NPC1L1: variants seen among roughly 807,000 people sequenced by gnomAD.
NPC1L1 encodes NPC1 like intracellular cholesterol transporter 1.
Under a neutral mutation model 117.0 loss-of-function variants are expected in NPC1L1, and 98 were observed. The ratio of observed to expected loss-of-function variants is 0.84; its 90% confidence interval spans 0.71 to 0.99. The LOEUF is 0.99. NPC1L1 is among the 50% of genes least tolerant of loss of function. The pLI is 0.00. For missense variants in NPC1L1, 1,540 were observed against 1,710.0 expected (o/e 0.90, Z 1.75); for synonymous variants, 729 against 727.6 (o/e 1.00, Z -0.03).
intron 10 of NPC1L1, among the ~76,000 whole-genome samples, chr7:44,529,382 T>A (rs1301945511): frequency 7.6e-6 from 1 of 131,368 alleles, no homozygotes; most frequent in African/African-American, 3.3e-5. Context: ...CAAAATATAC[T>A]TTTTTTTTTT....
rs1562571608 is a variant in NPC1L1 at position 44,539,401 on chromosome 7, G to A, written c.996C>T (p.Ser332=). ...GTSLSDKLSF[S]THTLLGQFFQ... is the part of the protein sequence containing the mutation. The stretch of plus-strand genomic sequence containing the variant: ...AGAACTGGCCAAGGAGGGTGTGGGT[G>A]GAGAAGCTGAGCTTGTCAGAGAGGC... The change falls in exon 2 of 19, where the codon TCC becomes TCT. Residue 332 remains serine (S), a synonymous_variant. Coordinates refer to ENST00000381160, the MANE Select transcript of NPC1L1 (RefSeq NM_001101648.2). The surrounding 1 kb of genome is among the most constrained non-coding windows in gnomAD (Gnocchi z 4.4). 6.2e-7 allele frequency: 1 copy of A among 1,614,088 alleles called. No homozygotes were observed. The highest frequency in any genetic ancestry group is 8.5e-7 in the Non-Finnish European group (1 of 1,179,988).
chr7:44,514,406 G>A (rs1014789861), intron 18 of NPC1L1, among the ~76,000 whole-genome samples: 4 of 152,208 alleles, frequency 2.6e-5, no homozygotes, highest in Admixed American at 6.5e-5. Context: ...GGTGGCCCAC[G>A]CCTGTAATCC....
chr7:44,521,966 T>A, intron 11 of NPC1L1, 86 bp downstream of exon 11: 1 of 1,593,776 alleles, frequency 6.3e-7, no homozygotes, highest in Non-Finnish European at 8.6e-7. Flanking sequence ...AGGACAGGGA[T>A]AGAACATCAG....
Position 44,538,252 on chromosome 7 carries a change from G to A in NPC1L1, c.1580+565C>T, listed in dbSNP as rs1393438287. 1.3e-5 allele frequency among the ~76,000 whole-genome samples: 2 copies of A among 152,228 alleles called. No individual in the cohort carries two copies. The highest frequency in any genetic ancestry group is 4.8e-5 in the African/African-American group (2 of 41,448). ...CAGCAGCGTTGTTGGCATCTTGTTGGCAGCACACCAGAGTGGACAGAACCA... is the reference window on the plus strand; with the variant it reads ...CAGCAGCGTTGTTGGCATCTTGTTGACAGCACACCAGAGTGGACAGAACCA... On this transcript the variant is annotated intron_variant, in intron 2 of 18. Coordinates refer to ENST00000381160, the MANE Select transcript of NPC1L1 (RefSeq NM_001101648.2). This position sits in a 1 kb window ranked among gnomAD's most constrained non-coding sequence, Gnocchi z 5.9.
In NPC1L1 at chr7:44,521,208, G is replaced by T; in HGVS notation, c.2954-90C>A. On this transcript the variant is annotated intron_variant, in intron 12 of 18. Coordinates refer to ENST00000381160, the MANE Select transcript of NPC1L1 (RefSeq NM_001101648.2). Reference sequence around the variant, plus strand: ...TCCTTCCCCAACAATCCCATCAAAGGTCCTGGGCACTCCAGCCTCAACCAG... The same window carrying T: ...TCCTTCCCCAACAATCCCATCAAAGTTCCTGGGCACTCCAGCCTCAACCAG... 4 of 1,571,840 alleles carry T rather than the reference G, an allele frequency of 2.5e-6. 1 individual carries two copies. In the South Asian group the frequency reaches 4.5e-5, roughly 18 times the overall value.
intron 18 of NPC1L1, 126 bp from the exon 19 acceptor site, chr7:44,513,775 TC>T: frequency 9.8e-7 from 1 of 1,024,648 alleles, no homozygotes; most frequent in Non-Finnish European, 1.5e-6. Context: ...CCATGTGCCT[TC>T]CAGGGTCACT....
intron 10 of NPC1L1, among the ~76,000 whole-genome samples, chr7:44,530,057 G>T (rs1801649004): frequency 6.6e-6 from 1 of 151,356 alleles, no homozygotes; most frequent in Non-Finnish European, 1.5e-5. Flanking sequence ...AAAAGTAGAG[G>T]CCAGGTGCGG....
rs1228912524 is a variant in NPC1L1, at chr7:44,513,707, C to T, written c.3797-58G>A. 2.5e-6 allele frequency: 4 copies of T among 1,580,492 alleles called. No individual in the cohort carries two copies. The African/African-American group carries it at 4.0e-5, about 16-fold the overall frequency. ...GTGGGCAGGGGACACAGGTGAGAAG[C>T]TATTCCTGGTTCTGTACAACAAACC... On this transcript the variant is annotated intron_variant, in intron 18 of 18. Coordinates refer to ENST00000381160, the MANE Select transcript of NPC1L1 (RefSeq NM_001101648.2).
chr7:44,512,677 G>A lies in NPC1L1; in HGVS notation c.*770C>T, dbSNP rs2117011044. On this transcript the variant is annotated 3_prime_UTR_variant, in exon 19 of 19. Transcript: ENST00000381160. ...GAGGCCTGGGATCCAGGCCCGAGGT[G>A]AAGATGGGAGGACCAGCCCAGCCCC... is the stretch of plus-strand genomic sequence containing the variant. The A allele has an allele frequency of 6.5e-6, 1 of 152,764 alleles. No homozygotes were observed. Among genetic ancestry groups the A allele is most frequent in the South Asian group, 2.1e-4 (1 of 4,830 alleles). The allele number at this position is 152,764 out of a possible 1,614,324, so 9.5% of individuals were successfully genotyped here. A position where few individuals can be genotyped will look rare whatever the true frequency, so the allele number is the denominator to read the frequency against.
At position 44,535,866 on chromosome 7, in the gene NPC1L1, T is replaced by C. The variant is rs1446907026; in HGVS notation, c.1957A>G (p.Ser653Gly). 5 of 1,613,384 alleles carry C rather than the reference T, an allele frequency of 3.1e-6. No individual in the cohort carries two copies. The Admixed American group carries it at 5.0e-5, about 16-fold the overall frequency. The change falls in exon 5 of 19, where the codon AGC becomes GGC. Residue 653 changes from serine (S) to glycine (G), a missense_variant. Coordinates refer to ENST00000381160, the MANE Select transcript of NPC1L1 (RefSeq NM_001101648.2). Reference protein sequence around the residue: ...IFLYISLALGSYSSWSRVMVD... With the variant: ...IFLYISLALGGYSSWSRVMVD... Reference sequence around the variant, plus strand: ...ATCACTCGGCTCCAGCTGGAATAGCTGCCCAGGGCCAGAGAGATGTACAGG... The same window carrying C: ...ATCACTCGGCTCCAGCTGGAATAGCCGCCCAGGGCCAGAGAGATGTACAGG...
Position 44,539,042 on chromosome 7 carries a change from C to T in NPC1L1, c.1355G>A (p.Arg452Gln), listed in dbSNP as rs557397006. ...LELLELQERLRHLQVWSPEAQ... is the reference protein window; with the variant it reads ...LELLELQERLQHLQVWSPEAQ... The stretch of plus-strand genomic sequence containing the variant: ...TTCGGGCGACCATACCTGGAGGTGC[C>T]GCAGCCTCTCCTGCAGCTCTAGCAG... Residue 452 changes from arginine (R) to glutamine (Q), a missense_variant, in exon 2 of 19, where the codon CGG becomes CAG. Physicochemically the swap from Arg to Gln is conservative, Grantham distance 43 (BLOSUM62 1). Transcript: ENST00000381160. This position sits in a 1 kb window ranked among gnomAD's most constrained non-coding sequence, Gnocchi z 4.4. The T allele has an allele frequency of 9.9e-6, 16 of 1,614,016 alleles. No homozygotes were observed. The South Asian group carries it at 1.2e-4, about 12-fold the overall frequency.
Position 44,521,910 on chromosome 7 carries a change from C to T in NPC1L1, c.2829-74G>A, listed in dbSNP as rs1801370247. The T allele has an allele frequency of 3.1e-6, 5 of 1,608,494 alleles. No individual in the cohort carries two copies. In the Admixed American group the frequency reaches 8.4e-5, roughly 27 times the overall value. On this transcript the variant is annotated intron_variant, in intron 11 of 18. Transcript: ENST00000381160. ...GTGGGTCCTTCTCGTGGCCCAACCC[C>T]CACGCAGCCCTCCCCAGGCATACGG... is the stretch of plus-strand genomic sequence containing the variant.
chr7:44,529,269 T>G (rs541174636), intron 10 of NPC1L1, among the ~76,000 whole-genome samples: 1 of 152,038 alleles, frequency 6.6e-6, no homozygotes, highest in Admixed American at 6.6e-5. Flanking sequence ...AGACTCACCT[T>G]AGGTCCAAAA....
chr7:44,527,270 C>T (rs1271262434), intron 10 of NPC1L1, among the ~76,000 whole-genome samples: 1 of 151,722 alleles, frequency 6.6e-6, no homozygotes, highest in African/African-American at 2.4e-5. Flanking sequence ...ACCAGCCTGA[C>T]CAACATGGAG....
Position 44,541,213 on chromosome 7 carries a change from A to T in NPC1L1, c.47T>A (p.Leu16Gln). The change falls in exon 1 of 19, where the codon CTG becomes CAG. Residue 16 changes from leucine to glutamine, a missense_variant. Coordinates refer to ENST00000381160, the MANE Select transcript of NPC1L1 (RefSeq NM_001101648.2). ...LRGWLLWALL[L>Q]RLAQSEPYTT... is the part of the protein sequence containing the mutation. ...CCAAGCCCTGGGACTCACCAAGCGC[A>T]GGAGCAGGGCCCACAGCAGCCAGCC... 2.6e-6 allele frequency: 4 copies of T among 1,549,828 alleles called. No individual in the cohort carries two copies. Among genetic ancestry groups the T allele is most frequent in the Non-Finnish European group, 2.6e-6 (3 of 1,146,806 alleles).
intron 18 of NPC1L1, 97 bp downstream of exon 18, chr7:44,515,706 C>T (rs1801161387): frequency 4.8e-6 from 7 of 1,471,812 alleles, no homozygotes; most frequent in Non-Finnish European, 5.7e-6. Context: ...GCCCATGGCT[C>T]GTTTGCACTT....
intron 7 of NPC1L1, 68 bp downstream of exon 7, chr7:44,533,671 G>C: frequency 6.2e-7 from 1 of 1,606,346 alleles, no homozygotes; most frequent in Non-Finnish European, 8.5e-7. Flanking sequence ...TGCCCTCTGG[G>C]AACTCCTAGG....
Position 44,539,063 on chromosome 7 carries a change from A to G in NPC1L1, c.1334T>C (p.Leu445Pro). 6.2e-7 allele frequency: 1 copy of G among 1,613,996 alleles called. No individual in the cohort carries two copies. The highest frequency in any genetic ancestry group is 8.5e-7 in the Non-Finnish European group (1 of 1,179,938). ...ILDLDLLLEL[L>P]ELQERLRHLQ... The stretch of plus-strand genomic sequence containing the variant: ...GTGCCGCAGCCTCTCCTGCAGCTCT[A>G]GCAGCTCCAGCAGCAAGTCCAGGTC... The change falls in exon 2 of 19, where the codon CTA becomes CCA. Residue 445 changes from leucine to proline, a missense_variant. Coordinates refer to ENST00000381160, the MANE Select transcript of NPC1L1 (RefSeq NM_001101648.2). The surrounding 1 kb of genome is among the most constrained non-coding windows in gnomAD (Gnocchi z 4.4).
Position 44,522,629 on chromosome 7 carries a change from C to T in NPC1L1, c.2638-387G>A, listed in dbSNP as rs1801396912. ...AAGATGTATGTGCACTGTACAGTTA[C>T]ACCGGAACACAGTTTTAGGTGTACC... is the stretch of plus-strand genomic sequence containing the variant. On this transcript the variant is annotated intron_variant, in intron 10 of 18. Coordinates refer to ENST00000381160, the MANE Select transcript of NPC1L1 (RefSeq NM_001101648.2). 1.3e-5 allele frequency among the ~76,000 whole-genome samples: 2 copies of T among 152,152 alleles called. 1 individual carries two copies. Among genetic ancestry groups the T allele is most frequent in the Admixed American group, 1.3e-4 (2 of 15,276 alleles).
Sources: allele counts gnomAD v4.1 joint callset (sites outside exome capture counted in the v4.1 genomes callset), GRCh38; gene constraint gnomAD v4.1.1; non-coding constraint Gnocchi (gnomAD v3.1); transcripts MANE v1.5; gene names NCBI Gene and HGNC (gene_info 2026-07-23, HGNC 2026-07-21).